BRD7: variants seen among roughly 807,000 people sequenced by gnomAD.
BRD7 encodes bromodomain containing 7.
BRD7 carries 15 observed loss-of-function variants against 82.1 expected under a neutral mutation model. The ratio of observed to expected loss-of-function variants is 0.18; its 90% CI spans 0.12 to 0.28. BRD7 has a LOEUF of 0.28. Among genes scored for constraint, BRD7 ranks in the 10% least tolerant of loss-of-function variants. BRD7 has a pLI of 1.00. For synonymous variants in BRD7, 232 were observed against 266.9 expected, an observed-to-expected ratio of 0.87 and a Z score of 1.27; for missense variants, 638 against 779.9, an observed-to-expected ratio of 0.82 and a Z score of 2.17.
At chr16:50,366,749 A>G (rs138171384) in intron 2 of BRD7, among the ~76,000 whole-genome samples, 3 of 152,352 alleles carry the variant, frequency 2.0e-5, no homozygotes, top group African/African-American at 7.2e-5. Context: ...CTTTGTGTCA[A>G]AAAGCTGTGT....
chr16:50,368,429 T>C, intron 1 of BRD7, 131 bp from the exon 2 acceptor site: 2 of 1,016,848 alleles, frequency 2.0e-6, no homozygotes, highest in South Asian at 1.7e-5. Context: ...GAAGCACCTG[T>C]TGAATGACGG....
chr16:50,333,844 TAAGG>T, intron 7 of BRD7, 147 bp from the exon 8 acceptor site: 1 of 664,118 alleles, frequency 1.5e-6, no homozygotes, highest in Non-Finnish European at 2.5e-6. Context: ...GATGACCTGT[TAAGG>T]GTCTCTAATT....
At position 50,368,783 on chromosome 16, in the gene BRD7, G is replaced by A. The variant is rs775996573; in HGVS notation, c.-9C>T. The A allele has an allele frequency of 1.4e-5, 21 of 1,528,906 alleles. No individual in the cohort carries two copies. The highest frequency in any genetic ancestry group is 1.7e-5 in the Non-Finnish European group (19 of 1,138,100). 94.7% of individuals were successfully genotyped at this position (1,528,906 alleles called of 1,614,324 possible). On this transcript the variant is annotated 5_prime_UTR_variant, in exon 1 of 17. Coordinates refer to ENST00000394688, the MANE Select transcript of BRD7 (RefSeq NM_013263.5). ...TTGTGCTTCTTGCCCATGTCCGACC[G>A]GGCCCCGGTGCCCGCCCCCCGCGCC... is the stretch of plus-strand genomic sequence containing the variant.
rs557440242 is a variant in BRD7, at chr16:50,352,717, T to G, written c.446+1708A>C. ...GCCAGCTTTGTTTTTTTTTTTTTTTTGTCTTTTGATAACAGGCATTCTAAT... is the reference window on the plus strand; with the variant it reads ...GCCAGCTTTGTTTTTTTTTTTTTTTGGTCTTTTGATAACAGGCATTCTAAT... On this transcript the variant is annotated intron_variant, in intron 4 of 16. Transcript: ENST00000394688. Among the ~76,000 whole-genome samples the G allele has an allele frequency of 2.2e-5, 3 of 134,708 alleles. No homozygotes were observed. The South Asian group carries it at 7.2e-4, about 32-fold the overall frequency. 88.4% of individuals were successfully genotyped at this position (134,708 alleles called of 152,430 possible).
At chr16:50,323,726 C>T in intron 11 of BRD7, 28 bp from the exon 12 acceptor site, 2 of 1,531,790 alleles carry the variant, frequency 1.3e-6, no homozygotes, top group South Asian at 1.1e-5. Context: ...GAAAGTCTCA[C>T]ATAAATCACC....
At chr16:50,354,686 A>T (rs1310448826) in intron 3 of BRD7, 107 bp downstream of exon 3, 17 of 1,446,444 alleles carry the variant, frequency 1.2e-5, no homozygotes, top group Non-Finnish European at 1.5e-5. Context: ...AAAACTTAAA[A>T]ATTCAATCAC....
Position 50,319,069 on chromosome 16 carries a change from C to T in BRD7, c.*142G>A, listed in dbSNP as rs1446892910. 4 of 799,732 alleles carry T rather than the reference C, an allele frequency of 5.0e-6. No homozygotes were observed. Among genetic ancestry groups the T allele is most frequent in the Non-Finnish European group, 7.9e-6 (4 of 507,280 alleles). The allele number at this position is 799,732 out of a possible 1,614,324, so 49.5% of individuals were successfully genotyped here. Reference sequence around the variant, plus strand: ...TCCAGCTTTATTACCTAATACAAGTCCAACCTCTGGAACATCCAAATTCGC... The same window carrying T: ...TCCAGCTTTATTACCTAATACAAGTTCAACCTCTGGAACATCCAAATTCGC... On this transcript the variant is annotated 3_prime_UTR_variant, in exon 17 of 17. Transcript: ENST00000394688.
intron 6 of BRD7, among the ~76,000 whole-genome samples, chr16:50,336,021 T>G (rs1386079892): frequency 6.6e-6 from 1 of 152,250 alleles, no homozygotes; most frequent in Non-Finnish European, 1.5e-5. Flanking sequence ...AGTTTATTAT[T>G]CCAGTACTTT....
intron 4 of BRD7, 47 bp downstream of exon 4, chr16:50,354,378 C>T: frequency 6.7e-7 from 1 of 1,487,244 alleles, no homozygotes; most frequent in Non-Finnish European, 9.3e-7. Flanking sequence ...TCCTACACAT[C>T]TACCATTTTA....
In BRD7 at chr16:50,333,608, C is replaced by A. The variant is rs910048204; in HGVS notation, c.977G>T (p.Gly326Val). The change falls in exon 8 of 17, where the codon GGA (glycine) becomes GTA (valine). Residue 326 changes from glycine (G) to valine (V), a missense_variant. By Grantham distance (109) the Gly-to-Val change is moderately radical (BLOSUM62 -3). This residue lies in a region of BRD7 where 402 missense variants were observed against 500.8 expected (regional missense o/e 0.80). Transcript: ENST00000394688. ...EQLDRIVKES[G>V]GKLTRRLVNS... ...CACAAGCCGCCTGGTCAGCTTTCCT[C>A]CAGATTCCTTCACGATGCGGTCAAG... 1.2e-6 allele frequency: 2 copies of A among 1,611,948 alleles called. No homozygotes were observed. Among genetic ancestry groups the A allele is most frequent in the Non-Finnish European group, 1.7e-6 (2 of 1,179,830 alleles).
intron 5 of BRD7, among the ~76,000 whole-genome samples, chr16:50,341,967 C>T (rs1028340039): frequency 6.7e-6 from 1 of 149,088 alleles, no homozygotes; most frequent in Non-Finnish European, 1.5e-5. Context: ...CACACACACA[C>T]ATTTTACTTC....
chr16:50,363,090 G>A (rs778439673), intron 2 of BRD7, among the ~76,000 whole-genome samples: 3 of 152,088 alleles, frequency 2.0e-5, no homozygotes, highest in Admixed American at 6.5e-5. Context: ...TAGCTTTTTC[G>A]TGTTATAATC....
chr16:50,359,761 T>A (rs1239701052), intron 2 of BRD7, among the ~76,000 whole-genome samples: 1 of 152,164 alleles, frequency 6.6e-6, no homozygotes, highest in East Asian at 1.9e-4. Flanking sequence ...AGAATAACTT[T>A]TGGGTGAAAA....
chr16:50,323,282 C>A (rs1331176069), intron 12 of BRD7, among the ~76,000 whole-genome samples: 1 of 152,214 alleles, frequency 6.6e-6, no homozygotes, highest in Middle Eastern at 3.2e-3. Flanking sequence ...GGCCAGTGAG[C>A]AAAACTTTCC....
rs34093559 is a variant in BRD7 at position 50,342,455 on chromosome 16, C to CTTTT, written c.592-2373_592-2370dup. 8.3e-3 allele frequency among the ~76,000 whole-genome samples: 854 copies of CTTTT among 102,780 alleles called. 9 individuals are homozygous for CTTTT. The highest frequency in any genetic ancestry group is 0.014 in the Middle Eastern group (2 of 138). 67.4% of individuals were successfully genotyped at this position (102,780 alleles called of 152,430 possible). On this transcript the variant is annotated intron_variant, in intron 5 of 16. Transcript: ENST00000394688. Reference sequence around the variant, plus strand: ...AAAAGGGACTAAGTAAAGACACTGTCTTTTTTTTTTTTTTTTTTTTTGAGA... The same window carrying CTTTT: ...AAAAGGGACTAAGTAAAGACACTGTCTTTTTTTTTTTTTTTTTTTTTTTTTGAGA...
At chr16:50,335,910 C>T (rs2037777542) in intron 6 of BRD7, among the ~76,000 whole-genome samples, 2 of 152,118 alleles carry the variant, frequency 1.3e-5, no homozygotes, top group African/African-American at 2.4e-5. Flanking sequence ...AATCTTAAAA[C>T]CATTAAAGCG....
chr16:50,320,567 G>T, intron 14 of BRD7, 96 bp downstream of exon 14: 1 of 1,364,268 alleles, frequency 7.3e-7, no homozygotes, highest in Non-Finnish European at 1.0e-6. Context: ...AGATCTTCCT[G>T]TGGTGAATGG....
intron 2 of BRD7, among the ~76,000 whole-genome samples, chr16:50,364,530 C>A (rs955079831): frequency 3.3e-5 from 5 of 152,196 alleles, no homozygotes; most frequent in African/African-American, 1.2e-4. Context: ...CCCTACCTGT[C>A]CTATTCTGAG....
chr16:50,326,372 C>T lies in BRD7; in HGVS notation c.1107G>A (p.Val369=). The T allele has an allele frequency of 6.3e-7, 1 of 1,591,082 alleles. No individual in the cohort carries two copies. The highest frequency in any genetic ancestry group is 8.6e-7 in the Non-Finnish European group (1 of 1,163,564). Residue 369 remains valine, a synonymous_variant, in exon 10 of 17, where the codon GTG becomes GTA. Coordinates refer to ENST00000394688, the MANE Select transcript of BRD7 (RefSeq NM_013263.5). ...PIVGEPGYCP[V]RLGMTTGRLQ... ...GTCTTCCAGTTGTCATTCCCAGTCT[C>T]ACAGGGCAGTAGCCTGGCTCTACAA... is the stretch of plus-strand genomic sequence containing the variant.
Sources: allele counts gnomAD v4.1 joint callset (sites outside exome capture counted in the v4.1 genomes callset), GRCh38; gene constraint gnomAD v4.1.1; regional missense constraint gnomAD v4.1.1; transcripts MANE v1.5; gene names NCBI Gene and HGNC (gene_info 2026-07-23, HGNC 2026-07-21).